The following SPOCK1 variants were observed in gnomAD, a reference collection of about 807,000 sequenced individuals.
SPOCK1 encodes the protein testican-1.
A neutral mutation model predicts 55.3 loss-of-function variants in SPOCK1; 23 were observed. The ratio of observed to expected loss-of-function variants is 0.42; its 90% CI spans 0.30 to 0.59. The LOEUF (loss-of-function observed/expected upper bound fraction) is 0.59, where lower values mean the gene tolerates loss of function less well. SPOCK1 is among the 20% of genes least tolerant of loss of function. The probability of loss-of-function intolerance (pLI) is 0.22; values close to 1 mark genes in which losing one functional copy is unlikely to be tolerated. For missense variants in SPOCK1, 499 were observed against 552.5 expected (o/e 0.90, Z 0.97); for synonymous variants, 226 against 221.0 (o/e 1.02, Z -0.20).
At chr5:137,054,034 A>G (rs1012298118) in intron 6 of SPOCK1, among the ~76,000 whole-genome samples, 2 of 152,172 alleles carry the variant, frequency 1.3e-5, no homozygotes, top group African/African-American at 4.8e-5. Flanking sequence ...CAAATTGTAC[A>G]AAGAGCAGAT....
chr5:137,212,865 T>C (rs1755643595), intron 3 of SPOCK1, among the ~76,000 whole-genome samples: 1 of 152,210 alleles, frequency 6.6e-6, no homozygotes, highest in African/African-American at 2.4e-5. Flanking sequence ...CGCTGCACAG[T>C]CTATTGAAAT....
chr5:137,339,239 C>T lies in SPOCK1; in HGVS notation c.187-72184G>A, dbSNP rs185050832. Among the ~76,000 whole-genome samples the T allele has an allele frequency of 2.6e-4, 39 of 152,342 alleles. No individual in the cohort carries two copies. The East Asian group carries it at 7.3e-3, about 29-fold the overall frequency. On this transcript the variant is annotated intron_variant, in intron 2 of 10. Transcript: ENST00000394945. ...GCTGTCCCCTACATTTAGTCCCTGG[C>T]TTTGTGACTCTACCCCAGTTCCAGG...
intron 3 of SPOCK1, among the ~76,000 whole-genome samples, chr5:137,178,813 G>A (rs956052254): frequency 6.6e-6 from 1 of 152,162 alleles, no homozygotes; most frequent in African/African-American, 2.4e-5. Context: ...CCCAGTAGAA[G>A]GCACATCCAC....
chr5:137,302,295 C>G (rs1009680492), intron 2 of SPOCK1, among the ~76,000 whole-genome samples: 1 of 151,972 alleles, frequency 6.6e-6, no homozygotes, highest in Non-Finnish European at 1.5e-5. Context: ...ATAGGCTGGG[C>G]GCGGTGGCTC....
At chr5:137,280,232 C>T (rs374189701) in intron 2 of SPOCK1, among the ~76,000 whole-genome samples, 79 of 152,298 alleles carry the variant, frequency 5.2e-4, no homozygotes, top group African/African-American at 1.7e-3. Flanking sequence ...AAAAAATACA[C>T]ATCAATAAGG....
At chr5:137,158,440 T>G (rs940809547) in intron 3 of SPOCK1, among the ~76,000 whole-genome samples, 8 of 152,144 alleles carry the variant, frequency 5.3e-5, no homozygotes, top group Admixed American at 3.9e-4. Context: ...GCCTCACACT[T>G]TGTAGAGAAC....
intron 2 of SPOCK1, among the ~76,000 whole-genome samples, chr5:137,481,310 T>G (rs1753946843): frequency 1.3e-5 from 2 of 152,232 alleles, no homozygotes; most frequent in Non-Finnish European, 2.9e-5. Flanking sequence ...TTTATCCAAG[T>G]ATAGCCTTAG....
chr5:137,223,001 G>GA (rs1025811585), intron 3 of SPOCK1, among the ~76,000 whole-genome samples: 1 of 151,634 alleles, frequency 6.6e-6, no homozygotes, highest in African/African-American at 2.4e-5. Flanking sequence ...AAGTGATAAT[G>GA]AAAAAAACTG....
chr5:137,151,068 G>A (rs1349248272), intron 3 of SPOCK1, among the ~76,000 whole-genome samples: 1 of 152,212 alleles, frequency 6.6e-6, no homozygotes, highest in Non-Finnish European at 1.5e-5. Context: ...GTAGGCCAAG[G>A]AGAATGCAAA....
intron 2 of SPOCK1, among the ~76,000 whole-genome samples, chr5:137,377,051 T>C (rs544591653): frequency 6.6e-6 from 1 of 152,296 alleles, no homozygotes; most frequent in Non-Finnish European, 1.5e-5. Flanking sequence ...GAGTAAACAT[T>C]ATTATTTGTG....
chr5:137,429,193 G>A (rs1407162270), intron 2 of SPOCK1, among the ~76,000 whole-genome samples: 1 of 152,120 alleles, frequency 6.6e-6, no homozygotes, highest in East Asian at 1.9e-4. Flanking sequence ...AAATGCAGCA[G>A]GATTCTGCTT....
At chr5:137,361,344 C>G (rs1327199976) in intron 2 of SPOCK1, among the ~76,000 whole-genome samples, 2 of 152,150 alleles carry the variant, frequency 1.3e-5, no homozygotes, top group African/African-American at 4.8e-5. Flanking sequence ...AGACTGTGAG[C>G]TCTGTAATGG....
intron 2 of SPOCK1, among the ~76,000 whole-genome samples, chr5:137,492,680 C>A (rs1754210278): frequency 6.6e-6 from 1 of 152,172 alleles, no homozygotes; most frequent in African/African-American, 2.4e-5. Context: ...GTTAAATGAA[C>A]TGTGTAAGTT....
intron 3 of SPOCK1, among the ~76,000 whole-genome samples, chr5:137,145,694 C>T (rs56128939): frequency 0.031 from 4,760 of 152,242 alleles, 102 homozygotes; most frequent in Non-Finnish European, 0.051. Flanking sequence ...AGGGGTTCAC[C>T]GTTGAACATA....
intron 2 of SPOCK1, among the ~76,000 whole-genome samples, chr5:137,327,808 T>G (rs1580868719): frequency 6.6e-6 from 1 of 152,296 alleles, no homozygotes; most frequent in African/African-American, 2.4e-5. Flanking sequence ...CACACATGCA[T>G]GAGCTGCTGG....
At chr5:137,105,745 G>A (rs1753351576) in intron 5 of SPOCK1, among the ~76,000 whole-genome samples, 1 of 152,190 alleles carries the variant, frequency 6.6e-6, no homozygotes, top group Non-Finnish European at 1.5e-5. Flanking sequence ...CACGTGCTCA[G>A]GCAGAAGGGA....
At chr5:137,310,810 A>G (rs919750505) in intron 2 of SPOCK1, among the ~76,000 whole-genome samples, 3 of 152,226 alleles carry the variant, frequency 2.0e-5, no homozygotes, top group Non-Finnish European at 4.4e-5. Flanking sequence ...TCTACTGAAT[A>G]ACATCCATGT....
chr5:137,488,939 G>T, intron 2 of SPOCK1, among the ~76,000 whole-genome samples: 1 of 152,098 alleles, frequency 6.6e-6, no homozygotes, highest in East Asian at 1.9e-4. Context: ...AGAAAAGTTT[G>T]TTTTTGAGAA....
At chr5:136,986,499 G>A (rs1750845270) in intron 8 of SPOCK1, among the ~76,000 whole-genome samples, 1 of 152,082 alleles carries the variant, frequency 6.6e-6, no homozygotes, top group African/African-American at 2.4e-5. Flanking sequence ...GGTACTAACA[G>A]ATGTAATTAG....
Sources: gnomAD v4.1 joint callset for allele counts (sites outside exome capture counted in the v4.1 genomes callset) on GRCh38, gnomAD v4.1.1 for gene constraint, MANE v1.5 for transcripts, NCBI Gene and HGNC (gene_info 2026-07-23, HGNC 2026-07-21) for gene names.